Variants in FSD1L observed in about 807,000 individuals in gnomAD.
FSD1L encodes FSD1-like protein.
FSD1L carries 45 observed loss-of-function variants against 71.6 expected under a neutral mutation model. The observed-to-expected ratio is 0.63, with a 90% confidence interval of 0.49 to 0.81. FSD1L has a LOEUF of 0.81. Among genes scored for constraint, FSD1L ranks in the 30% least tolerant of loss-of-function variants. The pLI is 0.00. For missense variants in FSD1L, 561 were observed against 618.1 expected, an observed-to-expected ratio of 0.91 and a Z score of 0.98; for synonymous variants, 197 against 207.2, an observed-to-expected ratio of 0.95 and a Z score of 0.42.
At chr9:105,472,625 G>T (rs1831548634) in intron 5 of FSD1L, 1 of 152,144 alleles carries the variant, frequency 6.6e-6, no homozygotes, top group African/African-American at 2.4e-5. Context: ...TAGTTATCAA[G>T]ATAAAATTTG....
At chr9:105,479,300 T>G in intron 5 of FSD1L, 54 bp from the exon 6 acceptor site, 1 of 1,521,778 alleles carries the variant, frequency 6.6e-7, no homozygotes, top group Admixed American at 2.0e-5. Context: ...CCATTGAAAC[T>G]TGCATGAAAA....
At chr9:105,461,065 C>T (rs1830662534) in intron 1 of FSD1L, among the ~76,000 whole-genome samples, 1 of 152,188 alleles carries the variant, frequency 6.6e-6, no homozygotes, top group Non-Finnish European at 1.5e-5. Flanking sequence ...ATTCAAGAAT[C>T]TGGCATAACA....
chr9:105,461,365 A>G (rs918130552), intron 1 of FSD1L, among the ~76,000 whole-genome samples, 155 bp from the exon 2 acceptor site: 12 of 152,224 alleles, frequency 7.9e-5, no homozygotes, highest in African/African-American at 2.9e-4. Flanking sequence ...ACCAAAAAAA[A>G]AGAAAAACTC....
At chr9:105,477,454 T>C (rs541556247) in intron 5 of FSD1L, among the ~76,000 whole-genome samples, 24 of 152,256 alleles carry the variant, frequency 1.6e-4, no homozygotes, top group Admixed American at 6.5e-5. Flanking sequence ...GTGAAAGTTA[T>C]GGTACAGAGG....
rs953052413 is a variant in FSD1L, at chr9:105,539,318, A to G, written c.1434A>G (p.Thr478=). The change falls in exon 13 of 14, where the codon ACA becomes ACG. Residue 478 remains threonine (T), a synonymous_variant. Transcript: ENST00000481272. ...NSKQLLYSFK[T]KFTQPVLPGF... is the part of the protein sequence containing the mutation. ...AACAGTTGCTATATTCCTTTAAGAC[A>G]AAATTTACTCAGCCAGTACTACCTG... The G allele has an allele frequency of 1.0e-5, 15 of 1,503,660 alleles. No individual in the cohort carries two copies. Among genetic ancestry groups the G allele is most frequent in the African/African-American group, 1.4e-5 (1 of 71,164 alleles). 93.1% of individuals were successfully genotyped at this position (1,503,660 alleles called of 1,614,324 possible). A position where few individuals can be genotyped will look rare whatever the true frequency, so the allele number is the denominator to read the frequency against.
In FSD1L at chr9:105,546,371, G is replaced by A; in HGVS notation, c.1481G>A (p.Gly494Glu). ...VLPGFMVWCG[G>E]LSLSTGMQVP... ...GTCTTTTCTTAGGTATGGTGTGGTG[G>A]ACTTTCTTTGAGTACTGGGATGCAG... The change falls in exon 14 of 14, where the codon GGA (glycine) becomes GAA (glutamate). Residue 494 changes from glycine (G) to glutamate (E), a missense_variant. Transcript: ENST00000481272. The A allele has an allele frequency of 6.5e-7, 1 of 1,546,766 alleles. No homozygotes were observed. The highest frequency in any genetic ancestry group is 8.7e-7 in the Non-Finnish European group (1 of 1,145,208).
intron 12 of FSD1L, among the ~76,000 whole-genome samples, chr9:105,538,553 C>G (rs756493976): frequency 6.6e-6 from 1 of 151,996 alleles, no homozygotes; most frequent in Non-Finnish European, 1.5e-5. Flanking sequence ...TGTAAGGAGG[C>G]CATTTGGTTG....
chr9:105,482,917 A>G (rs1293578067), intron 6 of FSD1L, among the ~76,000 whole-genome samples: 1 of 152,180 alleles, frequency 6.6e-6, no homozygotes, highest in Non-Finnish European at 1.5e-5. Flanking sequence ...GAATAAACCA[A>G]GTAGGTTCTA....
intron 7 of FSD1L, among the ~76,000 whole-genome samples, chr9:105,497,756 T>C (rs1233698622): frequency 6.6e-6 from 1 of 152,218 alleles, no homozygotes; most frequent in African/African-American, 2.4e-5. Flanking sequence ...ATTGATTCCA[T>C]TGATCTGTCA....
intron 7 of FSD1L, among the ~76,000 whole-genome samples, chr9:105,495,902 G>A (rs191329412): frequency 3.8e-4 from 58 of 151,898 alleles, no homozygotes; most frequent in African/African-American, 1.3e-3. Context: ...AACCCGGGAG[G>A]CGGAGCTTGC....
chr9:105,524,404 A>C, intron 10 of FSD1L: 1 of 1,613,842 alleles, frequency 6.2e-7, no homozygotes, highest in Non-Finnish European at 8.5e-7. Flanking sequence ...TATGAAATGG[A>C]CAAGAGGTTG....
Position 105,506,517 on chromosome 9 carries a change from G to A in FSD1L, c.705G>A (p.Arg235=). 1.9e-6 allele frequency: 3 copies of A among 1,551,460 alleles called. No individual in the cohort carries two copies. The highest frequency in any genetic ancestry group is 2.6e-6 in the Non-Finnish European group (3 of 1,146,790). The change falls in exon 8 of 14, where the codon AGG becomes AGA. Residue 235 remains arginine, a synonymous_variant. Coordinates refer to ENST00000481272, the MANE Select transcript of FSD1L (RefSeq NM_001145313.3). ...NKIDHFILEH[R]KTNFDGLPRV... is the part of the protein sequence containing the mutation. ...TTGACCATTTTATACTGGAACATAG[G>A]AAGACTAATTTTGATGGACTTCCAC...
rs571468930 is a variant in FSD1L, at chr9:105,501,851, C to T, written c.587-4548C>T. On this transcript the variant is annotated intron_variant, in intron 7 of 13. Transcript: ENST00000481272. ...TATTAAATTATCAATAAGGCAAATT[C>T]AGAACTTTTCAGAGATTCTGCCTTT... Among the ~76,000 whole-genome samples, 12 of 152,258 alleles carry T rather than the reference C, an allele frequency of 7.9e-5. 1 individual carries two copies. The South Asian group carries it at 1.7e-3, about 21-fold the overall frequency.
At chr9:105,517,535 C>T (rs986825666) in intron 10 of FSD1L, among the ~76,000 whole-genome samples, 2 of 152,130 alleles carry the variant, frequency 1.3e-5, no homozygotes, top group African/African-American at 4.8e-5. Flanking sequence ...GAATTTTCAA[C>T]CCAGAATTTC....
intron 6 of FSD1L, among the ~76,000 whole-genome samples, chr9:105,480,415 C>T (rs955436615): frequency 4.6e-5 from 7 of 151,948 alleles, no homozygotes; most frequent in African/African-American, 1.7e-4. Context: ...CCTCATCCTC[C>T]TGAATAGGTG....
chr9:105,475,829 G>C (rs1435351957), intron 5 of FSD1L, among the ~76,000 whole-genome samples: 1 of 152,010 alleles, frequency 6.6e-6, no homozygotes, highest in East Asian at 1.9e-4. Context: ...CATGCTTTTT[G>C]AAAAATAGTT....
At chr9:105,480,497 G>C (rs962840956) in intron 6 of FSD1L, among the ~76,000 whole-genome samples, 3 of 152,092 alleles carry the variant, frequency 2.0e-5, no homozygotes, top group Admixed American at 2.0e-4. Context: ...TTGCTATTTT[G>C]CCCAGGCTGG....
At chr9:105,516,086 C>T (rs537150557) in intron 10 of FSD1L, among the ~76,000 whole-genome samples, 6 of 152,244 alleles carry the variant, frequency 3.9e-5, no homozygotes, top group Non-Finnish European at 7.4e-5. Flanking sequence ...CTGGGAAGTT[C>T]GAACTAGGTA....
chr9:105,461,554 A>G lies in FSD1L; in HGVS notation c.50A>G (p.Asp17Gly), dbSNP rs1588927305. The change falls in exon 2 of 14, where the codon GAT (aspartate) becomes GGT (glycine). Residue 17 changes from aspartate to glycine, a missense_variant. Around this residue, in one of 3 missense-constraint regions of FSD1L, gnomAD observed 410 missense variants for 413.5 expected, o/e 0.99. Transcript: ENST00000481272. ...CFKENENVTV[D>G]KACFLISNIT... ...AAGGAGAATGAAAACGTTACAGTTG[A>G]TAAAGCCTGTTTTCTGATCTCTAAC... The G allele has an allele frequency of 1.3e-6, 2 of 1,551,776 alleles. No homozygotes were observed. The highest frequency in any genetic ancestry group is 1.7e-6 in the Non-Finnish European group (2 of 1,146,804).
Sources: gnomAD v4.1 joint callset for allele counts (sites outside exome capture counted in the v4.1 genomes callset) on GRCh38, gnomAD v4.1.1 for gene constraint, gnomAD v4.1.1 regional missense constraint, MANE v1.5 for transcripts, NCBI Gene and HGNC (gene_info 2026-07-23, HGNC 2026-07-21) for gene names.